The following MTMR3 variants were observed in gnomAD, a reference collection of about 807,000 sequenced individuals.
MTMR3 encodes the protein myotubularin related protein 3, also known as phosphatidylinositol-3,5-bisphosphate 3-phosphatase MTMR3.
In MTMR3, 32 loss-of-function variants were observed where a neutral mutation model predicts 132.4. The ratio of observed to expected loss-of-function variants is 0.24; its 90% CI spans 0.18 to 0.32. The LOEUF is 0.32. MTMR3 is among the 10% of genes least tolerant of loss of function. The probability of loss-of-function intolerance (pLI) is 1.00; values close to 1 mark genes in which losing one functional copy is unlikely to be tolerated. For missense variants in MTMR3, 1,216 were observed against 1,489.6 expected, an observed-to-expected ratio of 0.82 and a Z score of 3.02; for synonymous variants, 556 against 550.3, an observed-to-expected ratio of 1.01 and a Z score of -0.14.
chr22:29,929,574 A>T (rs1421739839), intron 1 of MTMR3, among the ~76,000 whole-genome samples: 1 of 151,442 alleles, frequency 6.6e-6, no homozygotes. Flanking sequence ...TAGTGGCGCA[A>T]TCTCGGCTCA....
At chr22:30,003,845 G>A (rs1468182847) in intron 9 of MTMR3, 3 of 152,186 alleles carry the variant, frequency 2.0e-5, no homozygotes, top group Non-Finnish European at 4.4e-5. Flanking sequence ...TTCTGGAAAT[G>A]TTTTGGATGT....
Position 30,030,647 on chromosome 22 carries a change from G to GGGGGGGGGT in MTMR3, c.*4847_*4848insGGGGGGGTG, listed in dbSNP as rs749927557. The GGGGGGGGGT allele has an allele frequency of 3.9e-5, 3 of 76,356 alleles. No homozygotes were observed. The highest frequency in any genetic ancestry group is 7.8e-5 in the Non-Finnish European group (3 of 38,514). 4.7% of individuals were successfully genotyped at this position (76,356 alleles called of 1,614,324 possible). A position where few individuals can be genotyped will look rare whatever the true frequency, so the allele number is the denominator to read the frequency against. On this transcript the variant is annotated 3_prime_UTR_variant, in exon 20 of 20. Transcript: ENST00000401950. The stretch of plus-strand genomic sequence containing the variant: ...CTCAGCGAGGAGGGGGCGGGGGGGG[G>GGGGGGGGGT]GTCACTATTTATCTTCCAGAGGCAG...
rs965830732 is a variant in MTMR3 at position 30,029,810 on chromosome 22, T to C, written c.*4009T>C. On this transcript the variant is annotated 3_prime_UTR_variant, in exon 20 of 20. Transcript: ENST00000401950. Reference sequence around the variant, plus strand: ...CAAAGTGACTATCCATTTGGACTTTTGGATAATGTGGCAGGAGTCCCAGCT... The same window carrying C: ...CAAAGTGACTATCCATTTGGACTTTCGGATAATGTGGCAGGAGTCCCAGCT... 4 of 152,404 alleles carry C rather than the reference T, an allele frequency of 2.6e-5. No individual in the cohort carries two copies. The highest frequency in any genetic ancestry group is 9.6e-5 in the African/African-American group (4 of 41,470). 9.4% of individuals were successfully genotyped at this position (152,404 alleles called of 1,614,324 possible). A position where few individuals can be genotyped will look rare whatever the true frequency, so the allele number is the denominator to read the frequency against.
At chr22:29,910,543 A>G (rs775982199) in intron 1 of MTMR3, among the ~76,000 whole-genome samples, 1 of 152,232 alleles carries the variant, frequency 6.6e-6, no homozygotes, top group Non-Finnish European at 1.5e-5. Context: ...TGAGTGCTAC[A>G]TGAATTTTAG....
intron 1 of MTMR3, among the ~76,000 whole-genome samples, chr22:29,906,286 G>GTCTATCTATCTATCTATCTA (rs369642536): frequency 5.4e-5 from 4 of 74,456 alleles, no homozygotes; most frequent in Non-Finnish European, 9.2e-5. Context: ...CTGTCTGTCT[G>GTCTATCTATCTATCTATCTA]TCTATCTATC....
intron 1 of MTMR3, among the ~76,000 whole-genome samples, chr22:29,948,691 G>A (rs1222892614): frequency 6.6e-6 from 1 of 151,958 alleles, no homozygotes; most frequent in Non-Finnish European, 1.5e-5. Flanking sequence ...TTGTCTTTTT[G>A]TGGTAAGATC....
At chr22:29,944,601 G>C (rs2065920141) in intron 1 of MTMR3, among the ~76,000 whole-genome samples, 1 of 152,112 alleles carries the variant, frequency 6.6e-6, no homozygotes, top group Admixed American at 6.5e-5. Flanking sequence ...GTATGCAGAG[G>C]CAGCATGACT....
intron 1 of MTMR3, among the ~76,000 whole-genome samples, chr22:29,887,559 C>A (rs544615212): frequency 1.3e-5 from 2 of 152,270 alleles, no homozygotes; most frequent in Admixed American, 1.3e-4. Flanking sequence ...GCTGGAGAAA[C>A]CTTTCAGCAC....
rs908610667 is a variant in MTMR3 at position 29,938,849 on chromosome 22, T to A, written c.-137-18187T>A. ...TTATTATTTTTTTTTTGAGACAGAG[T>A]CTCACTCTGATGCCCAGGCTAGAGT... is the stretch of plus-strand genomic sequence containing the variant. On this transcript the variant is annotated intron_variant, in intron 1 of 19. Coordinates refer to ENST00000401950, the MANE Select transcript of MTMR3 (RefSeq NM_021090.4). 3.9e-5 allele frequency among the ~76,000 whole-genome samples: 6 copies of A among 151,946 alleles called. No individual in the cohort carries two copies. In the South Asian group the frequency reaches 1.3e-3, roughly 32 times the overall value.
At chr22:29,966,160 C>T (rs1238914660) in intron 2 of MTMR3, among the ~76,000 whole-genome samples, 1 of 152,138 alleles carries the variant, frequency 6.6e-6, no homozygotes, top group African/African-American at 2.4e-5. Context: ...CTGCCTACTC[C>T]TTGGTATATA....
At chr22:29,993,317 T>C (rs1198787103) in intron 7 of MTMR3, 1 of 152,240 alleles carries the variant, frequency 6.6e-6, no homozygotes, top group Non-Finnish European at 1.5e-5. Context: ...TTTTTATGGC[T>C]CTTTTCAAAT....
At chr22:29,910,234 C>T (rs777863767) in intron 1 of MTMR3, among the ~76,000 whole-genome samples, 4 of 151,968 alleles carry the variant, frequency 2.6e-5, no homozygotes, top group South Asian at 2.1e-4. Context: ...TGTAGGTCAT[C>T]GTTTAAAATC....
chr22:29,925,129 C>T (rs185017575), intron 1 of MTMR3, among the ~76,000 whole-genome samples: 21 of 152,316 alleles, frequency 1.4e-4, no homozygotes, highest in Non-Finnish European at 2.9e-4. Context: ...TCCTCCGAGG[C>T]TCAGGGGATC....
intron 18 of MTMR3, 94 bp downstream of exon 18, chr22:30,022,233 A>AGC (rs1008589836): frequency 5.0e-5 from 45 of 902,304 alleles, no homozygotes; most frequent in African/African-American, 4.2e-4. Context: ...TGGCCAAGGA[A>AGC]GCACCTCCCA....
Position 29,982,511 on chromosome 22 carries a change from T to G in MTMR3, c.210+3459T>G, listed in dbSNP as rs2066769261. On this transcript the variant is annotated intron_variant, in intron 5 of 19. Transcript: ENST00000401950. The stretch of plus-strand genomic sequence containing the variant: ...CTCTTTAAATGTTATTTTATCTATA[T>G]CAAACACATTTAAACCATCAAAGCC... 3.3e-5 allele frequency: 5 copies of G among 152,286 alleles called. No homozygotes were observed. In the South Asian group the frequency reaches 1.0e-3, roughly 32 times the overall value. The allele number at this position is 152,286 out of a possible 1,614,324, so 9.4% of individuals were successfully genotyped here. A position where few individuals can be genotyped will look rare whatever the true frequency, so the allele number is the denominator to read the frequency against.
chr22:29,919,751 C>T (rs2065374769), intron 1 of MTMR3, among the ~76,000 whole-genome samples: 1 of 152,066 alleles, frequency 6.6e-6, no homozygotes, highest in Non-Finnish European at 1.5e-5. Context: ...TAGTCTTGAA[C>T]TCCTGAGCTC....
intron 15 of MTMR3, chr22:30,017,663 T>G (rs1418517036): frequency 3.0e-5 from 12 of 400,596 alleles, no homozygotes; most frequent in Non-Finnish European, 4.9e-5. Flanking sequence ...AAGAAATAAC[T>G]ATAATGAGAA....
intron 1 of MTMR3, among the ~76,000 whole-genome samples, chr22:29,888,386 T>C (rs1438362675): frequency 3.3e-5 from 5 of 152,126 alleles, no homozygotes; most frequent in Non-Finnish European, 7.4e-5. Context: ...GATAAAACTT[T>C]GTCGTCGTTG....
rs879314472 is a variant in MTMR3 at position 29,993,442 on chromosome 22, C to G, written c.460+1772C>G. 4 of 151,914 alleles carry G rather than the reference C, an allele frequency of 2.6e-5. 1 individual carries two copies. Among genetic ancestry groups the G allele is most frequent in the Non-Finnish European group, 2.9e-5 (2 of 68,000 alleles). 9.4% of individuals were successfully genotyped at this position (151,914 alleles called of 1,614,324 possible). A position where few individuals can be genotyped will look rare whatever the true frequency, so the allele number is the denominator to read the frequency against. On this transcript the variant is annotated intron_variant, in intron 7 of 19. Transcript: ENST00000401950. ...TCTTTATTAAATTTTTAGTTTCTAC[C>G]ATCTCCTAGGATAATGAACTTAATG...
Sources: allele counts gnomAD v4.1 joint callset (sites outside exome capture counted in the v4.1 genomes callset), GRCh38; gene constraint gnomAD v4.1.1; transcripts MANE v1.5; gene names NCBI Gene and HGNC (gene_info 2026-07-23, HGNC 2026-07-21).